Variants in B3GNT8 observed in about 807,000 individuals in gnomAD.
B3GNT8 encodes UDP-GlcNAc:betaGal beta-1,3-N-acetylglucosaminyltransferase 8.
For synonymous variants in B3GNT8, 258 were observed against 238.3 expected, an observed-to-expected ratio of 1.08 and a Z score of -0.76; for missense variants, 502 against 530.5, an observed-to-expected ratio of 0.95 and a Z score of 0.53.
Position 41,426,875 on chromosome 19 carries a change from G to T in B3GNT8, c.-32-65C>A. 8.4e-7 allele frequency: 1 copy of T among 1,191,702 alleles called. No individual in the cohort carries two copies. Among genetic ancestry groups the T allele is most frequent in the Non-Finnish European group, 1.2e-6 (1 of 832,128 alleles). The allele number at this position is 1,191,702 out of a possible 1,614,324, so 73.8% of individuals were successfully genotyped here. On this transcript the variant is annotated intron_variant, in intron 1 of 1. Transcript: ENST00000691102. The surrounding 1 kb of genome is among the most constrained non-coding windows in gnomAD (Gnocchi z 4.9). ...GTGTGGGGATGGGCCTCCAGAGAGG[G>T]CCCAGCCAGGCCCCAGGCAGACAGC...
Position 41,426,381 on chromosome 19 carries a change from C to T in B3GNT8, c.398G>A (p.Gly133Glu), listed in dbSNP as rs753533595. 9 of 1,612,844 alleles carry T rather than the reference C, an allele frequency of 5.6e-6. No homozygotes were observed. In the South Asian group the frequency reaches 9.9e-5, roughly 18 times the overall value. ...ACRSFPQWLP[G>E]GGGSQVSSCS... ...GCTGGAGACTTGGCTGCCACCACCT[C>T]CAGGCAGCCACTGTGGGAAGCTCCG... The change falls in exon 2 of 2, where the codon GGA (glycine) becomes GAA (glutamate). Residue 133 changes from glycine (G) to glutamate (E), a missense_variant. Gly to Glu is a moderately conservative substitution (Grantham distance 98, BLOSUM62 -2). Transcript: ENST00000691102. This position sits in a 1 kb window ranked among gnomAD's most constrained non-coding sequence, Gnocchi z 4.9.
chr19:41,426,555 T>C lies in B3GNT8; in HGVS notation c.224A>G (p.Gln75Arg). The change falls in exon 2 of 2, where the codon CAG (glutamine) becomes CGG (arginine). Residue 75 changes from glutamine (Q) to arginine (R), a missense_variant. Physicochemically the swap from Gln to Arg is conservative, Grantham distance 43 (BLOSUM62 1). Coordinates refer to ENST00000691102, the MANE Select transcript of B3GNT8 (RefSeq NM_001385648.2). This position sits in a 1 kb window ranked among gnomAD's most constrained non-coding sequence, Gnocchi z 4.9. ...TIPLPFAYWN[Q>R]QQWRLGSLPS... is the part of the protein sequence containing the mutation. ...CAGGGACCCCAGCCGCCACTGCTGC[T>C]GGTTCCAGTAAGCAAAGGGCAGCGG... 6.2e-7 allele frequency: 1 copy of C among 1,600,774 alleles called. No homozygotes were observed. The highest frequency in any genetic ancestry group is 1.1e-5 in the South Asian group (1 of 89,392).
At position 41,426,923 on chromosome 19, in the gene B3GNT8, G is replaced by T; in HGVS notation, c.-32-113C>A. The T allele has an allele frequency of 1.2e-6, 1 of 800,784 alleles. No individual in the cohort carries two copies. The highest frequency in any genetic ancestry group is 2.0e-6 in the Non-Finnish European group (1 of 497,006). The allele number at this position is 800,784 out of a possible 1,614,324, so 49.6% of individuals were successfully genotyped here. ...AGCTTCACAATCTCCCATAGTCCCC[G>T]CCAACCCCCATAACAGATTCTCTCG... On this transcript the variant is annotated intron_variant, in intron 1 of 1. Transcript: ENST00000691102. This position sits in a 1 kb window ranked among gnomAD's most constrained non-coding sequence, Gnocchi z 4.9.
chr19:41,426,344 A>G lies in B3GNT8; in HGVS notation c.435T>C (p.Thr145=). 2 of 1,613,294 alleles carry G rather than the reference A, an allele frequency of 1.2e-6. No homozygotes were observed. The highest frequency in any genetic ancestry group is 1.1e-5 in the South Asian group (1 of 91,078). The change falls in exon 2 of 2, where the codon ACT becomes ACC. Residue 145 remains threonine (T), a synonymous_variant. Transcript: ENST00000691102. This position sits in a 1 kb window ranked among gnomAD's most constrained non-coding sequence, Gnocchi z 4.9. ...CGGCCAACAGCAGGTAGGGGACATC[A>G]GTATCTGAGCAGCTGGAGACTTGGC... ...GGSQVSSCSD[T]DVPYLLLAVK... is the part of the protein sequence containing the mutation.
chr19:41,428,174 C>A (rs1045921868), upstream of B3GNT8, among the ~76,000 whole-genome samples: 1 of 151,880 alleles, frequency 6.6e-6, no homozygotes, highest in Middle Eastern at 3.4e-3. The surrounding 1 kb of genome is among the most constrained non-coding windows in gnomAD (Gnocchi z 6.1). Flanking sequence ...CAGGCAGAGG[C>A]GGAGAGGGAG....
rs1017700259 is a variant in B3GNT8, at chr19:41,427,142, C to T, written c.-33+142G>A. The T allele has an allele frequency of 1.9e-5, 6 of 311,954 alleles. No individual in the cohort carries two copies. The highest frequency in any genetic ancestry group is 1.3e-4 in the African/African-American group (6 of 45,766). 19.3% of individuals were successfully genotyped at this position (311,954 alleles called of 1,614,324 possible). ...CAGGACAAGGGACCTTGCCGTCTAT[C>T]TCCTCCCTCTCCCTCCATTTATTGC... On this transcript the variant is annotated intron_variant, in intron 1 of 1. Transcript: ENST00000691102. This position sits in a 1 kb window ranked among gnomAD's most constrained non-coding sequence, Gnocchi z 5.6.
At position 41,426,597 on chromosome 19, in the gene B3GNT8, C is replaced by T. The variant is rs762570128; in HGVS notation, c.182G>A (p.Arg61His). Reference sequence around the variant, plus strand: ...GGGCAGCGGGATAGTCTGGCCCAGGCGGGTGGAGAGGTTGGCAGGTAGGGT... The same window carrying T: ...GGGCAGCGGGATAGTCTGGCCCAGGTGGGTGGAGAGGTTGGCAGGTAGGGT... ...EPTLPANLST[R>H]LGQTIPLPFA... is the part of the protein sequence containing the mutation. The change falls in exon 2 of 2, where the codon CGC (arginine) becomes CAC (histidine). Residue 61 changes from arginine to histidine, a missense_variant. By Grantham distance (29) the Arg-to-His change is conservative (BLOSUM62 0). Transcript: ENST00000691102. The surrounding 1 kb of genome is among the most constrained non-coding windows in gnomAD (Gnocchi z 4.9). 17 of 1,609,196 alleles carry T rather than the reference C, an allele frequency of 1.1e-5. No individual in the cohort carries two copies. The highest frequency in any genetic ancestry group is 2.2e-5 in the East Asian group (1 of 44,806).
At chr19:41,427,600 A>C (rs2039450147), upstream of B3GNT8, 1 of 154,004 alleles carries the variant, frequency 6.5e-6, no homozygotes, top group East Asian at 1.9e-4. This position sits in a 1 kb window ranked among gnomAD's most constrained non-coding sequence, Gnocchi z 5.6. Flanking sequence ...CAGCCACAGA[A>C]ACAAGACGGG....
At position 41,425,755 on chromosome 19, in the gene B3GNT8, G is replaced by A. The variant is rs117658014; in HGVS notation, c.1024C>T (p.Arg342Ter). The change falls in exon 2 of 2, where the codon CGA (arginine) becomes TGA (stop). Residue 342 changes from arginine (R) to a stop codon, truncating the protein, a stop_gained. Transcript: ENST00000691102. LOFTEE classifies it low-confidence loss of function (END_TRUNC). ...FEDVYTGLCI[R>*]ALGLVPQAHP... ...GCCTGGGGCACCAGGCCCAGGGCTC[G>A]GATGCAAAGGCCAGTGTAGACGTCC... The A allele has an allele frequency of 1.9e-5, 30 of 1,598,974 alleles. No homozygotes were observed. The highest frequency in any genetic ancestry group is 1.2e-4 in the Admixed American group (7 of 58,124).
chr19:41,425,788 G>T lies in B3GNT8; in HGVS notation c.991C>A (p.Pro331Thr). 6.2e-7 allele frequency: 1 copy of T among 1,612,654 alleles called. No individual in the cohort carries two copies. Reference sequence around the variant, plus strand: ...AGGCCAGTGTAGACGTCCTCAAAGGGGAAGGGTGCCACACGGGCTGCCGCC... The same window carrying T: ...AGGCCAGTGTAGACGTCCTCAAAGGTGAAGGGTGCCACACGGGCTGCCGCC... ...LRAAARVAPF[P>T]FEDVYTGLCI... is the part of the protein sequence containing the mutation. The change falls in exon 2 of 2, where the codon CCC becomes ACC. Residue 331 changes from proline (P) to threonine (T), a missense_variant. Coordinates refer to ENST00000691102, the MANE Select transcript of B3GNT8 (RefSeq NM_001385648.2).
rs1197163810 is a variant in B3GNT8, at chr19:41,426,142, C to T, written c.637G>A (p.Asp213Asn). Residue 213 changes from aspartate (D) to asparagine (N), a missense_variant, in exon 2 of 2, where the codon GAC (aspartate) becomes AAC (asparagine). Coordinates refer to ENST00000691102, the MANE Select transcript of B3GNT8 (RefSeq NM_001385648.2). This position sits in a 1 kb window ranked among gnomAD's most constrained non-coding sequence, Gnocchi z 4.9. ...TGGTTGAATGGGACGTCGAGGAAGT[C>T]CCAGAGCAGCAGGTCACTGTAGCGA... ...SRRYSDLLLW[D>N]FLDVPFNQTL... 6 of 1,613,828 alleles carry T rather than the reference C, an allele frequency of 3.7e-6. No homozygotes were observed. The African/African-American group carries it at 5.3e-5, about 14-fold the overall frequency.
upstream of B3GNT8, among the ~76,000 whole-genome samples, chr19:41,427,956 G>A (rs2039452785): frequency 6.6e-6 from 1 of 151,840 alleles, no homozygotes; most frequent in African/African-American, 2.4e-5. The surrounding 1 kb of genome is among the most constrained non-coding windows in gnomAD (Gnocchi z 5.6). Context: ...GGAGAACTGG[G>A]GTGAGACAGG....
Position 41,425,829 on chromosome 19 carries a change from G to A in B3GNT8, c.950C>T (p.Ala317Val), listed in dbSNP as rs200751854. Reference sequence around the variant, plus strand: ...GGCTGCCGCCCGCAGCAGCCAGGGTGCCAGGCGCCCGGCAATGACGTAGCC... The same window carrying A: ...GGCTGCCGCCCGCAGCAGCCAGGGTACCAGGCGCCCGGCAATGACGTAGCC... ...GGGYVIAGRLAPWLLRAAARV... is the reference protein window; with the variant it reads ...GGGYVIAGRLVPWLLRAAARV... Residue 317 changes from alanine (A) to valine (V), a missense_variant, in exon 2 of 2, where the codon GCA (alanine) becomes GTA (valine). By Grantham distance (64) the Ala-to-Val change is moderately conservative. Coordinates refer to ENST00000691102, the MANE Select transcript of B3GNT8 (RefSeq NM_001385648.2). 34 of 1,612,936 alleles carry A rather than the reference G, an allele frequency of 2.1e-5. No individual in the cohort carries two copies. Among genetic ancestry groups the A allele is most frequent in the Non-Finnish European group, 2.6e-5 (31 of 1,179,960 alleles).
rs1206117224 is a variant in B3GNT8, at chr19:41,425,913, G to C, written c.866C>G (p.Pro289Arg). The C allele has an allele frequency of 6.2e-7, 1 of 1,613,122 alleles. No individual in the cohort carries two copies. The highest frequency in any genetic ancestry group is 1.1e-5 in the South Asian group (1 of 91,090). ...QAMPLRKPGG[P>R]FYVPESFFEG... ...GAAGAAGGACTCGGGCACATAGAAG[G>C]GTCCTCCTGGCTTCCGGAGAGGCAT... is the stretch of plus-strand genomic sequence containing the variant. Residue 289 changes from proline to arginine, a missense_variant, in exon 2 of 2, where the codon CCC (proline) becomes CGC (arginine). By Grantham distance (103) the Pro-to-Arg change is moderately radical (BLOSUM62 -2). Transcript: ENST00000691102.
chr19:41,426,775 G>A lies in B3GNT8; in HGVS notation c.4C>T (p.Arg2Cys), dbSNP rs781578680. The change falls in exon 2 of 2, where the codon CGC becomes TGC. Residue 2 changes from arginine (R) to cysteine (C), a missense_variant. By Grantham distance (180) the Arg-to-Cys change is radical. Transcript: ENST00000691102. This position sits in a 1 kb window ranked among gnomAD's most constrained non-coding sequence, Gnocchi z 4.9. M[R>C]CPKCLLCLSA... is the part of the protein sequence containing the mutation. ...AGGCAGAGAAGGCACTTGGGGCAGC[G>A]CATGACCCGGCCCAGGGAAGGGGCG... The A allele has an allele frequency of 1.4e-5, 23 of 1,610,946 alleles. 1 individual carries two copies. In the South Asian group the frequency reaches 2.2e-4, roughly 15 times the overall value.
chr19:41,425,921 T>C lies in B3GNT8; in HGVS notation c.858A>G (p.Pro286=). Residue 286 remains proline (P), a synonymous_variant, in exon 2 of 2, where the codon CCA becomes CCG. Transcript: ENST00000691102. Reference sequence around the variant, plus strand: ...ACTCGGGCACATAGAAGGGTCCTCCTGGCTTCCGGAGAGGCATGGCCTGGG... The same window carrying C: ...ACTCGGGCACATAGAAGGGTCCTCCCGGCTTCCGGAGAGGCATGGCCTGGG... ...VFTQAMPLRK[P]GGPFYVPESF... The C allele has an allele frequency of 6.2e-7, 1 of 1,613,210 alleles. No homozygotes were observed. Among genetic ancestry groups the C allele is most frequent in the Non-Finnish European group, 8.5e-7 (1 of 1,180,000 alleles).
At chr19:41,427,923 G>A (rs1180059506), upstream of B3GNT8, among the ~76,000 whole-genome samples, 2 of 151,762 alleles carry the variant, frequency 1.3e-5, no homozygotes, top group South Asian at 2.1e-4. This position sits in a 1 kb window ranked among gnomAD's most constrained non-coding sequence, Gnocchi z 5.6. Context: ...GGAGAGGGAA[G>A]AGACGGCCAG....
rs1309168532 is a variant in B3GNT8 at position 41,425,771 on chromosome 19, G to A, written c.1008C>T (p.Tyr336=). 3 of 1,612,054 alleles carry A rather than the reference G, an allele frequency of 1.9e-6. No homozygotes were observed. The highest frequency in any genetic ancestry group is 2.2e-5 in the East Asian group (1 of 44,858). Residue 336 remains tyrosine (Y), a synonymous_variant, in exon 2 of 2, where the codon TAC becomes TAT. Coordinates refer to ENST00000691102, the MANE Select transcript of B3GNT8 (RefSeq NM_001385648.2). ...RVAPFPFEDV[Y]TGLCIRALGL... is the part of the protein sequence containing the mutation. ...CCAGGGCTCGGATGCAAAGGCCAGT[G>A]TAGACGTCCTCAAAGGGGAAGGGTG...
At position 41,425,997 on chromosome 19, in the gene B3GNT8, C is replaced by T. The variant is rs375791032; in HGVS notation, c.782G>A (p.Arg261Gln). ...TCGGGCCGAGGCAGGTGGCAGGGCC[C>T]GCAGGTGAGCCAGCAGGGCAGGGGT... ...VHTPALLAHLRALPPASARSL... is the reference protein window; with the variant it reads ...VHTPALLAHLQALPPASARSL... Residue 261 changes from arginine to glutamine, a missense_variant, in exon 2 of 2, where the codon CGG (arginine) becomes CAG (glutamine). Coordinates refer to ENST00000691102, the MANE Select transcript of B3GNT8 (RefSeq NM_001385648.2). The T allele has an allele frequency of 2.9e-5, 46 of 1,611,862 alleles. 1 individual carries two copies. The highest frequency in any genetic ancestry group is 2.7e-4 in the African/African-American group (20 of 74,846).
Sources: gnomAD v4.1 joint callset for allele counts (sites outside exome capture counted in the v4.1 genomes callset) on GRCh38, gnomAD v4.1.1 for gene constraint, Gnocchi (gnomAD v3.1) non-coding constraint, MANE v1.5 for transcripts, NCBI Gene and HGNC (gene_info 2026-07-23, HGNC 2026-07-21) for gene names.